The following MIB1 variants were observed in gnomAD, a reference collection of about 807,000 sequenced individuals.
MIB1 encodes the protein MIB E3 ubiquitin protein ligase 1, also known as E3 ubiquitin-protein ligase MIB1.
A neutral mutation model predicts 124.5 loss-of-function variants in MIB1; 278 were observed. The ratio of observed to expected loss-of-function variants is 2.23; its 90% CI spans 2.02 to 2.47. MIB1 has a LOEUF of 2.47. MIB1 is among the 30% of genes most tolerant of loss of function. The pLI, the probability that MIB1 is intolerant of heterozygous loss-of-function variation, is 0.00. For synonymous variants in MIB1, 446 were observed against 429.4 expected (o/e 1.04, Z -0.48); for missense variants, 957 against 1,254.4 (o/e 0.76, Z 3.58).
intron 7 of MIB1, among the ~76,000 whole-genome samples, chr18:21,797,530 G>A (rs1488819785): frequency 6.6e-6 from 1 of 151,990 alleles, no homozygotes; most frequent in Non-Finnish European, 1.5e-5. Context: ...AATTTTCAAC[G>A]AAGAAGAGTG....
At chr18:21,835,063 G>C (rs1028603494) in intron 12 of MIB1, among the ~76,000 whole-genome samples, 4 of 152,150 alleles carry the variant, frequency 2.6e-5, no homozygotes, top group African/African-American at 9.7e-5. Flanking sequence ...CATTAGTTTT[G>C]ATTTGGGGCT....
At chr18:21,853,463 A>G (rs370077456) in intron 18 of MIB1, among the ~76,000 whole-genome samples, 1 of 152,206 alleles carries the variant, frequency 6.6e-6, no homozygotes, top group South Asian at 2.1e-4. Flanking sequence ...CAGTTGTATT[A>G]GCACAAAAGG....
chr18:21,835,840 A>C lies in MIB1; in HGVS notation c.1830-2525A>C, dbSNP rs28495669. On this transcript the variant is annotated intron_variant, in intron 12 of 20. Transcript: ENST00000261537. ...ACACACACACACACACACACACACA[A>C]ACACACACGAGGAGTATTGGGAAAG... 6.6e-3 allele frequency among the ~76,000 whole-genome samples: 710 copies of C among 108,050 alleles called. 16 individuals are homozygous for C. The highest frequency in any genetic ancestry group is 0.022 in the Middle Eastern group (4 of 186). 70.9% of individuals were successfully genotyped at this position (108,050 alleles called of 152,430 possible).
rs949110018 is a variant in MIB1 at position 21,858,609 on chromosome 18, A to G, written c.2843A>G (p.Gln948Arg). The change falls in exon 20 of 21, where the codon CAA becomes CGA. Residue 948 changes from glutamine (Q) to arginine (R), a missense_variant. Gln to Arg is a conservative substitution (Grantham distance 43, BLOSUM62 1). Coordinates refer to ENST00000261537, the MANE Select transcript of MIB1 (RefSeq NM_020774.4). ...KDNTNVNADV[Q>R]KLQQQLQDIK... ...AATACCAATGTCAATGCAGATGTGCAAAAGTTGCAGCAACAGTTACAAGAC... is the reference window on the plus strand; with the variant it reads ...AATACCAATGTCAATGCAGATGTGCGAAAGTTGCAGCAACAGTTACAAGAC... The G allele has an allele frequency of 1.2e-6, 2 of 1,603,388 alleles. No individual in the cohort carries two copies. The highest frequency in any genetic ancestry group is 1.7e-6 in the Non-Finnish European group (2 of 1,170,522).
rs1376980213 is a variant in MIB1 at position 21,793,516 on chromosome 18, T to C, written c.1092+1959T>C. ...AGTATATCAGGCCAGACGTGGTGGC[T>C]CATGTCTGTAATCCCAGTGCTTTGG... is the stretch of plus-strand genomic sequence containing the variant. On this transcript the variant is annotated intron_variant, in intron 7 of 20. Transcript: ENST00000261537. Among the ~76,000 whole-genome samples, 3 of 152,074 alleles carry C rather than the reference T, an allele frequency of 2.0e-5. No homozygotes were observed. The East Asian group carries it at 5.8e-4, about 29-fold the overall frequency.
intron 19 of MIB1, among the ~76,000 whole-genome samples, chr18:21,857,692 AG>A (rs1362869742): frequency 6.6e-6 from 1 of 152,278 alleles, no homozygotes; most frequent in Non-Finnish European, 1.5e-5. Flanking sequence ...GAGTAACTAT[AG>A]GTAAACAAAA....
In MIB1 at chr18:21,779,612, T is replaced by TTA; in HGVS notation, c.836_837dup (p.Thr280Ter). 6.2e-7 allele frequency: 1 copy of TTA among 1,614,128 alleles called. No homozygotes were observed. The highest frequency in any genetic ancestry group is 1.1e-5 in the South Asian group (1 of 91,084). ...ATGGACTGATGGAATGTTTGAGACTTTAACTACAACTGGAACTGTTTGTGG... is the reference window on the plus strand; with the variant it reads ...ATGGACTGATGGAATGTTTGAGACTTTATAACTACAACTGGAACTGTTTGTGG... On this transcript the variant is annotated frameshift_variant, in exon 6 of 21. Coordinates refer to ENST00000261537, the MANE Select transcript of MIB1 (RefSeq NM_020774.4). LOFTEE classifies it high-confidence loss of function.
At chr18:21,731,117 G>A (rs1459808404) in intron 1 of MIB1, among the ~76,000 whole-genome samples, 1 of 152,062 alleles carries the variant, frequency 6.6e-6, no homozygotes, top group African/African-American at 2.4e-5. Context: ...ACGCTCTCTG[G>A]GTTTATTCCC....
At chr18:21,813,331 G>A (rs1307244204) in intron 10 of MIB1, among the ~76,000 whole-genome samples, 1 of 151,494 alleles carries the variant, frequency 6.6e-6, no homozygotes, top group African/African-American at 2.4e-5. Flanking sequence ...ATGTATACAT[G>A]CATATATATC....
At chr18:21,860,999 A>G (rs1033898776) in intron 20 of MIB1, among the ~76,000 whole-genome samples, 5 of 152,186 alleles carry the variant, frequency 3.3e-5, no homozygotes, top group Non-Finnish European at 5.9e-5. Flanking sequence ...TGACAGCGCC[A>G]CTACACTCCA....
intron 1 of MIB1, among the ~76,000 whole-genome samples, chr18:21,734,478 TTC>T (rs60128500): frequency 6.0e-5 from 9 of 149,212 alleles, no homozygotes; most frequent in East Asian, 2.0e-4. Context: ...CTCTCTCTCT[TTC>T]TCTCTCTCTC....
chr18:21,818,037 A>T (rs2041845732), intron 11 of MIB1, among the ~76,000 whole-genome samples: 1 of 152,250 alleles, frequency 6.6e-6, no homozygotes, highest in Non-Finnish European at 1.5e-5. Context: ...TGTAAAAAGT[A>T]GTCAGCTTGA....
At chr18:21,737,589 G>C (rs1174999074), upstream of MIB1, among the ~76,000 whole-genome samples, 1 of 152,108 alleles carries the variant, frequency 6.6e-6, no homozygotes, top group South Asian at 2.1e-4. Context: ...CTGGCAAATT[G>C]GATAAAGAGT....
chr18:21,745,993 AC>A (rs2040908793), intron 1 of MIB1, among the ~76,000 whole-genome samples: 1 of 152,146 alleles, frequency 6.6e-6, no homozygotes, highest in Admixed American at 6.6e-5. Flanking sequence ...AGTGTGAGCC[AC>A]CACACCCAGC....
chr18:21,858,997 C>T (rs2042251369), intron 20 of MIB1, among the ~76,000 whole-genome samples: 1 of 152,120 alleles, frequency 6.6e-6, no homozygotes, highest in Admixed American at 6.5e-5. Flanking sequence ...TCATACACTG[C>T]TGGTGGGAAT....
chr18:21,719,703 C>T (rs1330034940), intron 1 of MIB1, among the ~76,000 whole-genome samples: 1 of 151,698 alleles, frequency 6.6e-6, no homozygotes, highest in Non-Finnish European at 1.5e-5. Context: ...ATGATCCGCC[C>T]TCCTTGGCCT....
At chr18:21,754,474 G>T (rs1308995315) in intron 1 of MIB1, among the ~76,000 whole-genome samples, 1 of 152,154 alleles carries the variant, frequency 6.6e-6, no homozygotes, top group Non-Finnish European at 1.5e-5. Flanking sequence ...TCACTTAGTA[G>T]CTGCCTCTTA....
chr18:21,804,070 TC>T (rs1475192136), intron 10 of MIB1, 56 bp downstream of exon 10: 27 of 1,224,104 alleles, frequency 2.2e-5, no homozygotes, highest in Non-Finnish European at 3.2e-5. Context: ...AAATAATACT[TC>T]TATATCATGA....
At chr18:21,780,882 A>G (rs566288020) in intron 6 of MIB1, among the ~76,000 whole-genome samples, 1 of 152,272 alleles carries the variant, frequency 6.6e-6, no homozygotes, top group South Asian at 2.1e-4. Context: ...TCTTCTGGGT[A>G]TATATACACC....
Sources: gnomAD v4.1 joint callset for allele counts (sites outside exome capture counted in the v4.1 genomes callset) on GRCh38, gnomAD v4.1.1 for gene constraint, MANE v1.5 for transcripts, NCBI Gene and HGNC (gene_info 2026-07-23, HGNC 2026-07-21) for gene names.